Variants in CYRIB observed in about 807,000 individuals in gnomAD.
CYRIB encodes CYFIP related Rac1 interactor B.
CYRIB carries 8 observed loss-of-function variants against 44.2 expected under a neutral mutation model. The observed-to-expected ratio is 0.18, with a 90% CI of 0.11 to 0.33. CYRIB has a LOEUF of 0.33. Among genes scored for constraint, CYRIB ranks in the 10% least tolerant of loss-of-function variants. The pLI is 1.00. For missense variants in CYRIB, 185 were observed against 382.8 expected (o/e 0.48, Z 4.31); for synonymous variants, 131 against 127.2 (o/e 1.03, Z -0.20).
At chr8:129,982,957 A>T (rs1324473386) in intron 1 of CYRIB, among the ~76,000 whole-genome samples, 1 of 151,654 alleles carries the variant, frequency 6.6e-6, no homozygotes, top group African/African-American at 2.4e-5. Flanking sequence ...AAATGTATAC[A>T]CTAAATATGT....
intron 2 of CYRIB, among the ~76,000 whole-genome samples, chr8:129,900,115 A>T (rs187969160): frequency 2.0e-4 from 30 of 152,302 alleles, no homozygotes; most frequent in Admixed American, 1.9e-3. Flanking sequence ...AAATGACTTG[A>T]ACGAGCTCAA....
intron 2 of CYRIB, among the ~76,000 whole-genome samples, chr8:129,956,982 A>G (rs12543085): frequency 0.3 from 44,691 of 151,420 alleles, 7,344 homozygotes; most frequent in African/African-American, 0.43. Context: ...GGGACTACAG[A>G]CACACACGAC....
intron 1 of CYRIB, among the ~76,000 whole-genome samples, chr8:130,009,943 G>A (rs777786858): frequency 7.2e-5 from 11 of 152,150 alleles, no homozygotes; most frequent in Admixed American, 3.9e-4. Context: ...AGCTTAAAGC[G>A]GCCAGACAGA....
At chr8:129,868,345 GTA>G (rs2055015950) in intron 4 of CYRIB, among the ~76,000 whole-genome samples, 1 of 152,110 alleles carries the variant, frequency 6.6e-6, no homozygotes, top group African/African-American at 2.4e-5. Context: ...TACATATTTT[GTA>G]TTTCAATGCC....
chr8:129,931,295 G>A (rs957841003), intron 1 of CYRIB, among the ~76,000 whole-genome samples: 12 of 152,102 alleles, frequency 7.9e-5, no homozygotes, highest in Non-Finnish European at 1.5e-4. Flanking sequence ...TAGTTTGTTG[G>A]AATTTGCCAG....
chr8:129,943,592 C>CTTTT (rs1172470025), upstream of CYRIB, among the ~76,000 whole-genome samples: 52 of 96,210 alleles, frequency 5.4e-4, 2 homozygotes, highest in Non-Finnish European at 8.1e-4. Flanking sequence ...GAGACTCCAT[C>CTTTT]TTTTTTTTTT....
At chr8:129,840,749 T>TA (rs1209762962) in exon 12 of CYRIB, 1 of 152,080 alleles carries the variant, frequency 6.6e-6, no homozygotes, top group Non-Finnish European at 1.5e-5. Flanking sequence ...CAGCAAGCAG[T>TA]AGGGCCTGGC....
intron 2 of CYRIB, among the ~76,000 whole-genome samples, chr8:129,891,820 TC>T (rs1389239862): frequency 1.3e-5 from 2 of 152,192 alleles, no homozygotes; most frequent in African/African-American, 4.8e-5. Context: ...AATGCTGACA[TC>T]TAGTGGATGG....
At chr8:129,940,645 G>A (rs1460744662), upstream of CYRIB, among the ~76,000 whole-genome samples, 1 of 152,084 alleles carries the variant, frequency 6.6e-6, no homozygotes, top group African/African-American at 2.4e-5. Flanking sequence ...CATCTAGCTA[G>A]CTTCTCCTAA....
chr8:129,938,092 C>CG (rs1163320204), intron 1 of CYRIB, among the ~76,000 whole-genome samples: 2 of 151,784 alleles, frequency 1.3e-5, no homozygotes, highest in Non-Finnish European at 2.9e-5. Context: ...AAGAGCCTCT[C>CG]GTTCGTTATT....
At chr8:129,945,477 A>G (rs1235191454) in intron 2 of CYRIB, among the ~76,000 whole-genome samples, 1 of 152,210 alleles carries the variant, frequency 6.6e-6, no homozygotes, top group African/African-American at 2.4e-5. Context: ...CTAGGCACAG[A>G]CTAAGCTCAA....
chr8:129,931,374 T>C (rs1163218075), intron 1 of CYRIB, among the ~76,000 whole-genome samples: 2 of 152,234 alleles, frequency 1.3e-5, no homozygotes, highest in Non-Finnish European at 2.9e-5. Flanking sequence ...CATCCCAAGA[T>C]GGTTTTCTCA....
At chr8:129,846,948 T>C in intron 10 of CYRIB, 74 bp from the exon 13 acceptor site, 1 of 811,752 alleles carries the variant, frequency 1.2e-6, no homozygotes, top group Non-Finnish European at 1.9e-6. Context: ...AATAGTAAAA[T>C]AAATCAAGAC....
chr8:130,000,908 CAA>C (rs2096893030), intron 1 of CYRIB, among the ~76,000 whole-genome samples: 1 of 151,902 alleles, frequency 6.6e-6, no homozygotes, highest in Non-Finnish European at 1.5e-5. Context: ...ATTGTCCTCC[CAA>C]AAAAATAATT....
intron 1 of CYRIB, among the ~76,000 whole-genome samples, chr8:129,988,161 C>G (rs2096532048): frequency 6.6e-6 from 1 of 152,222 alleles, no homozygotes; most frequent in Non-Finnish European, 1.5e-5. Flanking sequence ...AACAGGAAGT[C>G]TCCTAGTCGT....
chr8:129,855,770 A>C lies in CYRIB; in HGVS notation c.302-23T>G, dbSNP rs1378895607. 1.9e-6 allele frequency: 3 copies of C among 1,584,562 alleles called. No homozygotes were observed. In the Admixed American group the frequency reaches 5.5e-5, roughly 29 times the overall value. On this transcript the variant is annotated intron_variant, in intron 5 of 11. Coordinates refer to ENST00000519824, the Ensembl canonical transcript of CYRIB. ...CTTCTAAAGAAAAAAATTGAAAAAA[A>C]CATTAAGTTGTTTGTATCTGTGTGA... is the stretch of plus-strand genomic sequence containing the variant.
At chr8:129,985,700 A>G (rs35782876) in intron 1 of CYRIB, among the ~76,000 whole-genome samples, 52,564 of 152,018 alleles carry the variant, frequency 0.35, 9,519 homozygotes, top group African/African-American at 0.44. Flanking sequence ...GTTGTCTGGC[A>G]GGACCTCAGG....
chr8:129,888,043 G>A (rs1440018052), intron 2 of CYRIB, among the ~76,000 whole-genome samples: 1 of 152,152 alleles, frequency 6.6e-6, no homozygotes, highest in Non-Finnish European at 1.5e-5. Flanking sequence ...CATGAGATTT[G>A]GGAGGGGCCA....
At chr8:129,943,086 ACCCG>A (rs200413034), upstream of CYRIB, among the ~76,000 whole-genome samples, 6 of 101,680 alleles carry the variant, frequency 5.9e-5, no homozygotes, top group African/African-American at 6.6e-5. Context: ...TGCACCGCCC[ACCCG>A]CCCCCCCGCA....
Sources: gnomAD v4.1 joint callset for allele counts (sites outside exome capture counted in the v4.1 genomes callset) on GRCh38, gnomAD v4.1.1 for gene constraint, MANE v1.5 for transcripts, NCBI Gene and HGNC (gene_info 2026-07-23, HGNC 2026-07-21) for gene names.